PLCG2: variants seen among roughly 807,000 people sequenced by gnomAD.
PLCG2 encodes phospholipase C gamma 2.
A neutral mutation model predicts 175.6 loss-of-function variants in PLCG2; 69 were observed. The observed-to-expected ratio is 0.39, with a 90% CI of 0.32 to 0.48. The LOEUF is 0.48. Ranked by LOEUF, PLCG2 falls within the 20% of genes least tolerant of loss-of-function variation. The probability of loss-of-function intolerance (pLI) is 0.91; values close to 1 mark genes in which losing one functional copy is unlikely to be tolerated. For missense variants in PLCG2, 1,798 were observed against 1,650.9 expected (o/e 1.09, Z -1.54); for synonymous variants, 827 against 624.0 (o/e 1.33, Z -4.85).
At chr16:81,787,835 C>G (rs780008016) in intron 2 of PLCG2, among the ~76,000 whole-genome samples, 4 of 152,114 alleles carry the variant, frequency 2.6e-5, no homozygotes, top group Non-Finnish European at 4.4e-5. Flanking sequence ...TGTATGTGGG[C>G]TTTTGTGACT....
intron 9 of PLCG2, among the ~76,000 whole-genome samples, chr16:81,887,142 T>C (rs1386195850): frequency 6.6e-6 from 1 of 151,306 alleles, no homozygotes; most frequent in African/African-American, 2.4e-5. Flanking sequence ...TCTTTTGAGA[T>C]GGAGTCTCGC....
At position 81,855,210 on chromosome 16, in the gene PLCG2, A is replaced by G. The variant is rs1047085593; in HGVS notation, c.337+623A>G. Among the ~76,000 whole-genome samples the G allele has an allele frequency of 1.5e-4, 22 of 148,474 alleles. 1 individual carries two copies. On this transcript the variant is annotated intron_variant, in intron 3 of 32. Transcript: ENST00000564138. ...TCTGTCTCAAAAAAAAAAAAAAAAG[A>G]GAAGAAAAAGAAAAATGTAACCTGT...
chr16:81,942,735 G>C lies in PLCG2; in HGVS notation c.3481+2676G>C, dbSNP rs950696370. ...TTAACTTGCTCAAGGTCACACACCT[G>C]TAGGACCAGAGCTGAGATTCAAACC... On this transcript the variant is annotated intron_variant, in intron 30 of 32. Transcript: ENST00000564138. Among the ~76,000 whole-genome samples, 13 of 152,288 alleles carry C rather than the reference G, an allele frequency of 8.5e-5. No homozygotes were observed. The Middle Eastern group carries it at 0.014, about 159-fold the overall frequency.
chr16:81,908,175 C>T (rs576117006), intron 16 of PLCG2, among the ~76,000 whole-genome samples: 3 of 152,180 alleles, frequency 2.0e-5, no homozygotes, highest in East Asian at 1.9e-4. Flanking sequence ...TGCTGGGAAC[C>T]GTTCACTGCA....
At chr16:81,791,663 C>G (rs1911236697) in intron 2 of PLCG2, among the ~76,000 whole-genome samples, 1 of 152,164 alleles carries the variant, frequency 6.6e-6, no homozygotes, top group South Asian at 2.1e-4. Context: ...CTCCTGGGTT[C>G]AAGCTATTCT....
intron 5 of PLCG2, among the ~76,000 whole-genome samples, chr16:81,864,972 G>A (rs185108235): frequency 1.3e-5 from 2 of 152,246 alleles, no homozygotes; most frequent in African/African-American, 4.8e-5. Context: ...CCTAGGTTGA[G>A]CTCCCAGGAA....
At chr16:81,938,955 G>T (rs147045716) in intron 29 of PLCG2, 40 bp downstream of exon 29, 30 of 1,160,210 alleles carry the variant, frequency 2.6e-5, no homozygotes, top group South Asian at 2.5e-5. Context: ...TTAAACGTCC[G>T]GCCAGTGAAT....
upstream of PLCG2, among the ~76,000 whole-genome samples, chr16:81,777,398 G>T (rs547401475): frequency 2.7e-5 from 4 of 146,966 alleles, no homozygotes; most frequent in Non-Finnish European, 6.0e-5. Context: ...AAACAAAAGT[G>T]TGAAAAAGAT....
chr16:81,762,932 C>G (rs1597306128), intron 2 of PLCG2, among the ~76,000 whole-genome samples: 1 of 152,126 alleles, frequency 6.6e-6, no homozygotes, highest in Admixed American at 6.6e-5. Flanking sequence ...TAGCACATGC[C>G]TGTAGTCCCA....
intron 5 of PLCG2, among the ~76,000 whole-genome samples, chr16:81,868,843 A>G (rs1907372226): frequency 6.6e-6 from 1 of 152,240 alleles, no homozygotes; most frequent in African/African-American, 2.4e-5. Context: ...TCACTGGGAC[A>G]TCACCCTATA....
At chr16:81,779,809 C>G (rs534186552) in intron 1 of PLCG2, among the ~76,000 whole-genome samples, 1 of 152,294 alleles carries the variant, frequency 6.6e-6, no homozygotes, top group Admixed American at 6.5e-5. Flanking sequence ...GTGCCCAGAG[C>G]TCGCGGACGC....
intron 2 of PLCG2, among the ~76,000 whole-genome samples, chr16:81,788,658 G>T (rs1911091964): frequency 6.6e-6 from 1 of 152,172 alleles, no homozygotes; most frequent in Non-Finnish European, 1.5e-5. Context: ...GGTAGACTTT[G>T]GTAGCTTGGT....
At chr16:81,855,458 A>T (rs537947369) in intron 3 of PLCG2, among the ~76,000 whole-genome samples, 48 of 152,364 alleles carry the variant, frequency 3.2e-4, no homozygotes, top group African/African-American at 1.1e-3. Context: ...GGCAGCTGTC[A>T]AAGTTGAGCA....
chr16:81,906,232 G>A (rs1597122370), intron 15 of PLCG2: 1 of 152,174 alleles, frequency 6.6e-6, no homozygotes, highest in South Asian at 2.1e-4. Context: ...AGTACCCGGT[G>A]CTGCCGTGCA....
chr16:81,799,145 C>A (rs1597324875), intron 2 of PLCG2, among the ~76,000 whole-genome samples: 1 of 152,312 alleles, frequency 6.6e-6, no homozygotes, highest in African/African-American at 2.4e-5. Context: ...ACTGCTTTTT[C>A]CCCCTCATTA....
At position 81,836,892 on chromosome 16, in the gene PLCG2, T is replaced by A. The variant is rs913049318; in HGVS notation, c.194-17552T>A. On this transcript the variant is annotated intron_variant, in intron 2 of 32. Coordinates refer to ENST00000564138, the MANE Select transcript of PLCG2 (RefSeq NM_002661.5). ...TCAGCCTTACATGAGTGCACAGGTG[T>A]CAGGACCCCTGCTGTGCACACGGGC... Among the ~76,000 whole-genome samples the A allele has an allele frequency of 2.0e-5, 3 of 152,142 alleles. No individual in the cohort carries two copies. In the East Asian group the frequency reaches 5.8e-4, roughly 29 times the overall value.
chr16:81,837,106 C>G (rs1905558369), intron 2 of PLCG2, among the ~76,000 whole-genome samples: 2 of 152,158 alleles, frequency 1.3e-5, no homozygotes. Flanking sequence ...TTTTGAGAAC[C>G]TTTCTCTTGC....
At chr16:81,944,465 T>TGAATTAATTATTTA (rs1180060122) in intron 30 of PLCG2, among the ~76,000 whole-genome samples, 1 of 152,168 alleles carries the variant, frequency 6.6e-6, no homozygotes, top group Non-Finnish European at 1.5e-5. Context: ...ACTACGCCAC[T>TGAATTAATTATTTA]GAATTAATTA....
At chr16:81,741,050 C>A (rs1326486526) in intron 1 of PLCG2, among the ~76,000 whole-genome samples, 1 of 152,218 alleles carries the variant, frequency 6.6e-6, no homozygotes, top group East Asian at 1.9e-4. Context: ...CCAAGGCAGT[C>A]CCCTTCCTCC....
Sources: gnomAD v4.1 joint callset for allele counts (sites outside exome capture counted in the v4.1 genomes callset) on GRCh38, gnomAD v4.1.1 for gene constraint, MANE v1.5 for transcripts, NCBI Gene and HGNC (gene_info 2026-07-23, HGNC 2026-07-21) for gene names.